Variants in CDH13 observed in about 807,000 individuals in gnomAD.
CDH13 encodes cadherin-13.
A neutral mutation model predicts 63.8 loss-of-function variants in CDH13; 24 were observed. The ratio of observed to expected loss-of-function variants is 0.38; its 90% CI spans 0.27 to 0.53. The LOEUF (loss-of-function observed/expected upper bound fraction) is 0.53. Among genes scored for constraint, CDH13 ranks in the 20% least tolerant of loss-of-function variants. CDH13 has a pLI of 0.85. For missense variants in CDH13, 1,049 were observed against 903.1 expected (o/e 1.16, Z -2.07); for synonymous variants, 503 against 355.3 (o/e 1.42, Z -4.67).
chr16:83,223,349 G>A (rs1008236809), intron 5 of CDH13, among the ~76,000 whole-genome samples: 1 of 152,208 alleles, frequency 6.6e-6, no homozygotes, highest in Non-Finnish European at 1.5e-5. Context: ...ATTCCTGAAA[G>A]CCTTTTAAAT....
At chr16:82,984,098 A>G (rs1227895059) in intron 2 of CDH13, among the ~76,000 whole-genome samples, 1 of 152,222 alleles carries the variant, frequency 6.6e-6, no homozygotes, top group Non-Finnish European at 1.5e-5. Context: ...AGGTCACTTG[A>G]ATCACATGGG....
intron 8 of CDH13, among the ~76,000 whole-genome samples, chr16:83,626,114 G>C (rs897058408): frequency 2.6e-5 from 4 of 151,658 alleles, no homozygotes; most frequent in African/African-American, 9.7e-5. Flanking sequence ...AGGCTCCAAT[G>C]GTCCTCCTAT....
intron 4 of CDH13, among the ~76,000 whole-genome samples, chr16:83,156,930 A>G (rs1321050457): frequency 1.3e-5 from 2 of 152,302 alleles, no homozygotes; most frequent in African/African-American, 4.8e-5. Flanking sequence ...CTTTTTTCCC[A>G]CAGTGCTCTT....
At chr16:83,353,650 C>G (rs528574929) in intron 6 of CDH13, among the ~76,000 whole-genome samples, 29 of 152,344 alleles carry the variant, frequency 1.9e-4, no homozygotes, top group Non-Finnish European at 3.5e-4. Flanking sequence ...GGCTGGAGAT[C>G]AGCTCAAGAG....
At chr16:82,923,789 T>C (rs552251928) in intron 2 of CDH13, among the ~76,000 whole-genome samples, 3 of 152,348 alleles carry the variant, frequency 2.0e-5, no homozygotes, top group Non-Finnish European at 4.4e-5. Context: ...TGGTCTATGA[T>C]ACAGAAAATC....
At chr16:83,226,519 T>C (rs1240668446) in intron 5 of CDH13, among the ~76,000 whole-genome samples, 1 of 152,208 alleles carries the variant, frequency 6.6e-6, no homozygotes, top group Non-Finnish European at 1.5e-5. Flanking sequence ...CCACACTCGG[T>C]ACTTAGCACA....
intron 1 of CDH13, among the ~76,000 whole-genome samples, chr16:82,696,169 T>TA (rs1032381515): frequency 8.5e-5 from 13 of 152,098 alleles, no homozygotes; most frequent in African/African-American, 2.7e-4. Flanking sequence ...GCTGTCTAAG[T>TA]AAAAAAAGAG....
chr16:83,627,005 A>G (rs771381361), intron 8 of CDH13, among the ~76,000 whole-genome samples: 3 of 152,060 alleles, frequency 2.0e-5, no homozygotes, highest in Non-Finnish European at 2.9e-5. Context: ...CTATTCAGCC[A>G]GGCGTTGTGG....
intron 7 of CDH13, among the ~76,000 whole-genome samples, chr16:83,520,217 T>C (rs1410967539): frequency 1.3e-5 from 2 of 152,124 alleles, no homozygotes; most frequent in African/African-American, 4.8e-5. Flanking sequence ...AAAGAATGAA[T>C]ATGGTTGACA....
At chr16:82,815,973 A>G (rs2037686667) in intron 1 of CDH13, among the ~76,000 whole-genome samples, 1 of 152,216 alleles carries the variant, frequency 6.6e-6, no homozygotes, top group African/African-American at 2.4e-5. Context: ...TTATTTCAGA[A>G]TAAAAAGAAA....
intron 1 of CDH13, among the ~76,000 whole-genome samples, chr16:82,827,435 C>T (rs1260950027): frequency 1.3e-5 from 2 of 152,114 alleles, no homozygotes; most frequent in Non-Finnish European, 2.9e-5. Flanking sequence ...GAACAAAGAA[C>T]CTCACCAAAT....
chr16:82,844,550 G>A (rs62035176), intron 1 of CDH13: 90,667 of 146,880 alleles, frequency 0.62, 28,598 homozygotes, highest in East Asian at 0.86. Flanking sequence ...GCAGTGAGCC[G>A]AGATCGCGCC....
At chr16:83,108,450 C>T (rs533678985) in intron 3 of CDH13, among the ~76,000 whole-genome samples, 41 of 152,262 alleles carry the variant, frequency 2.7e-4, no homozygotes, top group African/African-American at 7.7e-4. Context: ...CTCAGCAAAG[C>T]GAGAAAGGGT....
intron 1 of CDH13, chr16:82,826,362 A>G (rs927092069): frequency 2.0e-5 from 3 of 152,174 alleles, no homozygotes; most frequent in Non-Finnish European, 4.4e-5. Flanking sequence ...TTTTATAATG[A>G]GTAGGGATGA....
chr16:83,753,545 CA>C (rs998347338), intron 11 of CDH13, among the ~76,000 whole-genome samples: 2 of 150,230 alleles, frequency 1.3e-5, no homozygotes, highest in African/African-American at 4.9e-5. Flanking sequence ...GACCCCGTCT[CA>C]AAAAAAAAGT....
intron 1 of CDH13, among the ~76,000 whole-genome samples, chr16:82,687,724 C>A (rs1915223749): frequency 6.6e-6 from 1 of 152,096 alleles, no homozygotes; most frequent in East Asian, 1.9e-4. Flanking sequence ...CAGAGCCAAG[C>A]CATATCAGTG....
At chr16:82,691,317 A>C (rs1597334622) in intron 1 of CDH13, among the ~76,000 whole-genome samples, 1 of 152,168 alleles carries the variant, frequency 6.6e-6, no homozygotes, top group Admixed American at 6.5e-5. Context: ...TGCTTTGGGG[A>C]ATTCTCAGCA....
At chr16:82,677,798 C>G (rs1044973458) in intron 1 of CDH13, among the ~76,000 whole-genome samples, 3 of 152,152 alleles carry the variant, frequency 2.0e-5, no homozygotes, top group East Asian at 1.9e-4. Context: ...TTTTTCTCCT[C>G]TTTTTTGACT....
At chr16:82,964,386 A>C (rs1161074133) in intron 2 of CDH13, among the ~76,000 whole-genome samples, 1 of 152,224 alleles carries the variant, frequency 6.6e-6, no homozygotes, top group Non-Finnish European at 1.5e-5. Context: ...TTCGGTGATA[A>C]CAGTTGGGGA....
Sources: gnomAD v4.1 joint callset for allele counts (sites outside exome capture counted in the v4.1 genomes callset) on GRCh38, gnomAD v4.1.1 for gene constraint, MANE v1.5 for transcripts, NCBI Gene and HGNC (gene_info 2026-07-23, HGNC 2026-07-21) for gene names.